Variants in DACH1 observed in about 807,000 individuals in gnomAD.
DACH1 encodes the protein dachshund homolog 1.
A neutral mutation model predicts 54.2 loss-of-function variants in DACH1; 12 were observed. That is an observed-to-expected ratio of 0.22 (90% confidence interval 0.14 to 0.36). The LOEUF is 0.36. DACH1 is among the 10% of genes least tolerant of loss of function. The pLI, the probability that DACH1 is intolerant of heterozygous loss-of-function variation, is 1.00. For missense variants in DACH1, 805 were observed against 929.8 expected (o/e 0.87, Z 1.75); for synonymous variants, 386 against 366.2 (o/e 1.05, Z -0.62).
chr13:71,592,513 A>AAAAG (rs1555299240), intron 3 of DACH1, among the ~76,000 whole-genome samples: 236 of 145,694 alleles, frequency 1.6e-3, no homozygotes, highest in Non-Finnish European at 2.8e-3. Flanking sequence ...AAAAAAAAAA[A>AAAAG]AAAAGAAAAG....
At chr13:71,606,504 A>T (rs1361224552) in intron 3 of DACH1, among the ~76,000 whole-genome samples, 2 of 152,090 alleles carry the variant, frequency 1.3e-5, no homozygotes, top group Non-Finnish European at 2.9e-5. Flanking sequence ...TCTTCCTGAT[A>T]GTTTGAATAC....
chr13:71,770,513 T>A (rs980856806), intron 1 of DACH1, among the ~76,000 whole-genome samples: 3 of 151,628 alleles, frequency 2.0e-5, no homozygotes, highest in African/African-American at 7.2e-5. Context: ...TAACATTTCA[T>A]TTTCTTCAAT....
At chr13:71,660,493 G>A (rs1401866900) in intron 2 of DACH1, among the ~76,000 whole-genome samples, 1 of 151,960 alleles carries the variant, frequency 6.6e-6, no homozygotes, top group Non-Finnish European at 1.5e-5. Context: ...GTAAGCAAAT[G>A]TATTGGGGTT....
intron 6 of DACH1, among the ~76,000 whole-genome samples, chr13:71,492,846 A>C (rs897469886): frequency 3.3e-5 from 5 of 151,842 alleles, no homozygotes; most frequent in Non-Finnish European, 7.4e-5. Context: ...TTCAGTGTAT[A>C]TTTCTTAAGT....
chr13:71,830,018 C>A (rs1056314011), intron 1 of DACH1, among the ~76,000 whole-genome samples: 6 of 151,580 alleles, frequency 4.0e-5, no homozygotes, highest in Admixed American at 3.3e-4. Flanking sequence ...AGGAGTAGTT[C>A]CACTATAAAT....
chr13:71,482,777 A>G (rs1421963975), intron 7 of DACH1, among the ~76,000 whole-genome samples: 2 of 149,324 alleles, frequency 1.3e-5, no homozygotes, highest in African/African-American at 4.9e-5. Context: ...AATCAATAGT[A>G]CAGTATCAAC....
chr13:71,694,061 T>C (rs1009405064), intron 1 of DACH1, among the ~76,000 whole-genome samples: 2 of 152,188 alleles, frequency 1.3e-5, no homozygotes, highest in African/African-American at 4.8e-5. Context: ...GACAATCTTG[T>C]CTTCCCACTT....
In DACH1 at chr13:71,524,026, T is replaced by C. The variant is rs79926450; in HGVS notation, c.1570+32998A>G. Among the ~76,000 whole-genome samples, 58 of 152,268 alleles carry C rather than the reference T, an allele frequency of 3.8e-4. 1 individual carries two copies. In the East Asian group the frequency reaches 0.011, roughly 29 times the overall value. On this transcript the variant is annotated intron_variant, in intron 6 of 10. Coordinates refer to ENST00000613252, the MANE Select transcript of DACH1 (RefSeq NM_080759.6). ...AATGCTGTTTTTGCATTAAAAATGT[T>C]CGTATTTACTTCATGTAATTAACAC...
In DACH1 at chr13:71,474,613, G is replaced by C. The variant is rs542127839; in HGVS notation, c.2083+528C>G. Among the ~76,000 whole-genome samples, 131 of 152,210 alleles carry C rather than the reference G, an allele frequency of 8.6e-4. No homozygotes were observed. In the Middle Eastern group the frequency reaches 0.01, roughly 12 times the overall value. On this transcript the variant is annotated intron_variant, in intron 10 of 10. Coordinates refer to ENST00000613252, the MANE Select transcript of DACH1 (RefSeq NM_080759.6). ...ATGCTATATATGATTTTACTCAGCA[G>C]ATTTGTGTTATTAAAGTGTATATAA... is the stretch of plus-strand genomic sequence containing the variant.
chr13:71,759,726 C>A (rs567566254), intron 1 of DACH1, among the ~76,000 whole-genome samples: 71 of 152,226 alleles, frequency 4.7e-4, no homozygotes, highest in African/African-American at 1.7e-3. Context: ...TTAATGACTG[C>A]ATTTCTTGTT....
At chr13:71,644,059 G>A (rs943727020) in intron 2 of DACH1, among the ~76,000 whole-genome samples, 1 of 152,148 alleles carries the variant, frequency 6.6e-6, no homozygotes, top group African/African-American at 2.4e-5. Context: ...AGGGGGACAT[G>A]TTTTCTTCCC....
chr13:71,833,604 C>T (rs1436263733), intron 1 of DACH1, among the ~76,000 whole-genome samples: 1 of 151,906 alleles, frequency 6.6e-6, no homozygotes, highest in African/African-American at 2.4e-5. Flanking sequence ...TCAGAGCCCA[C>T]ACCAACTATG....
chr13:71,456,233 C>T (rs1593720881), intron 10 of DACH1, among the ~76,000 whole-genome samples: 1 of 152,026 alleles, frequency 6.6e-6, no homozygotes, highest in Admixed American at 6.5e-5. Flanking sequence ...TACAACTAAA[C>T]ATGCAAAGTA....
intron 3 of DACH1, among the ~76,000 whole-genome samples, chr13:71,612,434 A>T (rs1875403291): frequency 6.6e-6 from 1 of 152,288 alleles, no homozygotes; most frequent in East Asian, 1.9e-4. Context: ...TGGCAAAACT[A>T]AACTAGAACT....
chr13:71,576,682 A>G (rs1220835632), intron 3 of DACH1, among the ~76,000 whole-genome samples: 2 of 152,124 alleles, frequency 1.3e-5, no homozygotes, highest in South Asian at 2.1e-4. Flanking sequence ...ACTGCCTTCA[A>G]AAAAGCTTTG....
In DACH1 at chr13:71,528,425, CT is replaced by C. The variant is rs71198120; in HGVS notation, c.1570+28598del. ...TTTTAGAAACGGAAAAACAGATTTT[CT>C]TTTTTTTTTTTTTTTTTTTGAGACT... On this transcript the variant is annotated intron_variant, in intron 6 of 10. Transcript: ENST00000613252. Among the ~76,000 whole-genome samples, 997 of 111,088 alleles carry C rather than the reference CT, an allele frequency of 9.0e-3. 3 individuals are homozygous for C. Among genetic ancestry groups the C allele is most frequent in the African/African-American group, 0.018 (527 of 29,112 alleles). The allele number at this position is 111,088 out of a possible 152,430, so 72.9% of individuals were successfully genotyped here. A position where few individuals can be genotyped will look rare whatever the true frequency, so the allele number is the denominator to read the frequency against.
chr13:71,762,768 C>A (rs1171096614), intron 1 of DACH1, among the ~76,000 whole-genome samples: 730 of 70,934 alleles, frequency 0.01, no homozygotes, highest in African/African-American at 0.018. Context: ...AACTTTGTCT[C>A]AAAAAAAAAA....
chr13:71,802,859 A>C (rs1887344326), intron 1 of DACH1, among the ~76,000 whole-genome samples: 1 of 152,160 alleles, frequency 6.6e-6, no homozygotes, highest in South Asian at 2.1e-4. Flanking sequence ...CTACAAACCA[A>C]GGAATATGTG....
intron 1 of DACH1, among the ~76,000 whole-genome samples, chr13:71,738,731 CAAAA>C (rs34856567): frequency 3.9e-3 from 94 of 24,016 alleles, no homozygotes; most frequent in Non-Finnish European, 8.8e-3. Flanking sequence ...GACTCTGTCT[CAAAA>C]AAAAAAAAAA....
Sources: allele counts gnomAD v4.1 joint callset (sites outside exome capture counted in the v4.1 genomes callset), GRCh38; gene constraint gnomAD v4.1.1; transcripts MANE v1.5; gene names NCBI Gene and HGNC (gene_info 2026-07-23, HGNC 2026-07-21).